The following TXNRD1 variants were observed in gnomAD, a reference collection of about 807,000 sequenced individuals.
TXNRD1 encodes the protein thioredoxin reductase 1, also known as thioredoxin reductase 1, cytoplasmic.
A neutral mutation model predicts 80.3 loss-of-function variants in TXNRD1; 57 were observed. That is an observed-to-expected ratio of 0.71 (90% CI 0.57 to 0.89). The LOEUF is 0.89. TXNRD1 is among the 40% of genes least tolerant of loss of function. The pLI, the probability that TXNRD1 is intolerant of heterozygous loss-of-function variation, is 0.00. For synonymous variants in TXNRD1, 291 were observed against 285.2 expected, an observed-to-expected ratio of 1.02 and a Z score of -0.20; for missense variants, 730 against 803.0, an observed-to-expected ratio of 0.91 and a Z score of 1.10.
At position 104,287,167 on chromosome 12, in the gene TXNRD1, C is replaced by T. The variant is rs1565878330; in HGVS notation, c.305-1764C>T. 3 of 1,566,800 alleles carry T rather than the reference C, an allele frequency of 1.9e-6. No homozygotes were observed. In the East Asian group the frequency reaches 6.8e-5, roughly 35 times the overall value. ...CCGCGAGCCCAGGGATGGGAGCACGCGGGGGACGGCCTGCCGGCGGGGACG... is the reference window on the plus strand; with the variant it reads ...CCGCGAGCCCAGGGATGGGAGCACGTGGGGGACGGCCTGCCGGCGGGGACG... On this transcript the variant is annotated intron_variant, in intron 3 of 16. Transcript: ENST00000525566.
At chr12:104,296,724 T>C (rs1359714469) in intron 4 of TXNRD1, among the ~76,000 whole-genome samples, 1 of 152,222 alleles carries the variant, frequency 6.6e-6, no homozygotes, top group Non-Finnish European at 1.5e-5. Flanking sequence ...AGGATTTAGC[T>C]CTAAGGTATC....
chr12:104,234,616 A>G (rs7969758), intron 1 of TXNRD1, among the ~76,000 whole-genome samples: 121,134 of 137,222 alleles, frequency 0.88, 53,706 homozygotes, highest in African/African-American at 0.97. Context: ...ATTTTTTAAA[A>G]AATAAACATT....
chr12:104,242,529 C>G (rs912890823), intron 1 of TXNRD1, among the ~76,000 whole-genome samples: 1 of 149,568 alleles, frequency 6.7e-6, no homozygotes, highest in South Asian at 2.1e-4. Context: ...GCATGGGCGA[C>G]AAGAGTGAAA....
chr12:104,322,272 A>G (rs550388446), intron 10 of TXNRD1, among the ~76,000 whole-genome samples: 2 of 152,178 alleles, frequency 1.3e-5, no homozygotes, highest in South Asian at 2.1e-4. Context: ...GGTAGAGAGT[A>G]AGTTTAAAGT....
chr12:104,291,628 C>T (rs1225146341), intron 4 of TXNRD1, among the ~76,000 whole-genome samples: 1 of 151,818 alleles, frequency 6.6e-6, no homozygotes, highest in Admixed American at 6.6e-5. Context: ...GGATTACAGG[C>T]GCCTGCCACC....
At chr12:104,252,677 T>C (rs1175841272) in intron 2 of TXNRD1, among the ~76,000 whole-genome samples, 3 of 113,516 alleles carry the variant, frequency 2.6e-5, no homozygotes, top group African/African-American at 1.1e-4. Flanking sequence ...TATATATATA[T>C]ATATATATAT....
At chr12:104,224,920 T>C in intron 1 of TXNRD1, 1 of 456,708 alleles carries the variant, frequency 2.2e-6, no homozygotes, top group Non-Finnish European at 4.4e-6. Flanking sequence ...GCCATTGTTA[T>C]GAGGGTGAGA....
chr12:104,306,895 G>A (rs989348870), intron 4 of TXNRD1, among the ~76,000 whole-genome samples: 1 of 152,076 alleles, frequency 6.6e-6, no homozygotes, highest in Non-Finnish European at 1.5e-5. Flanking sequence ...AAAAGATCCC[G>A]CCCCAGTACT....
intron 4 of TXNRD1, chr12:104,303,900 A>T: frequency 6.5e-7 from 1 of 1,546,832 alleles, no homozygotes. Flanking sequence ...GGTAGCGAGT[A>T]CGCGGCGAAG....
intron 3 of TXNRD1, among the ~76,000 whole-genome samples, chr12:104,275,558 T>C (rs962721109): frequency 6.6e-6 from 1 of 151,982 alleles, no homozygotes; most frequent in Non-Finnish European, 1.5e-5. Context: ...TAATTTTGTA[T>C]TTTTAGTAGA....
At position 104,289,046 on chromosome 12, in the gene TXNRD1, A is replaced by G; in HGVS notation, c.414+6A>G. The G allele has an allele frequency of 6.2e-7, 1 of 1,612,528 alleles. No individual in the cohort carries two copies. The highest frequency in any genetic ancestry group is 1.7e-4 in the Middle Eastern group (1 of 6,058). ...GCCATGGTCCAACCTTGAAGGTAGGAGAGAGTAACGTATCTTTTTAAACGG... is the reference window on the plus strand; with the variant it reads ...GCCATGGTCCAACCTTGAAGGTAGGGGAGAGTAACGTATCTTTTTAAACGG... On this transcript the variant is annotated splice_donor_region_variant and intron_variant, in intron 4 of 16. Coordinates refer to ENST00000525566, the MANE Select transcript of TXNRD1 (RefSeq NM_001093771.3).
rs1000940806 is a variant in TXNRD1 at position 104,307,021 on chromosome 12, G to T, written c.415-4269G>T. ...GAGGCTTAGGAGAGGTAATTTTTTT[G>T]GTCTTCTCTAAAGTTAATAGCTGTT... On this transcript the variant is annotated intron_variant, in intron 4 of 16. Coordinates refer to ENST00000525566, the MANE Select transcript of TXNRD1 (RefSeq NM_001093771.3). Among the ~76,000 whole-genome samples the T allele has an allele frequency of 9.2e-4, 140 of 151,932 alleles. 1 individual carries two copies. Among genetic ancestry groups the T allele is most frequent in the African/African-American group, 3.3e-3 (136 of 41,364 alleles).
At chr12:104,267,159 C>T (rs1424001684) in intron 3 of TXNRD1, among the ~76,000 whole-genome samples, 12 of 84,314 alleles carry the variant, frequency 1.4e-4, no homozygotes, top group Non-Finnish European at 2.9e-4. Flanking sequence ...GAGTGAGACT[C>T]CCTCTCAAAA....
chr12:104,302,145 T>G (rs1393168836), intron 4 of TXNRD1, among the ~76,000 whole-genome samples: 1 of 152,184 alleles, frequency 6.6e-6, no homozygotes, highest in Middle Eastern at 3.2e-3. Context: ...GCATGGTGTT[T>G]TGAAAAATGC....
At position 104,313,226 on chromosome 12, in the gene TXNRD1, T is replaced by C. The variant is rs763043304; in HGVS notation, c.538-19T>C. The C allele has an allele frequency of 4.6e-5, 71 of 1,559,580 alleles. No homozygotes were observed. In the Admixed American group the frequency reaches 7.4e-4, roughly 16 times the overall value. On this transcript the variant is annotated intron_variant, in intron 5 of 16. Transcript: ENST00000525566. ...TCATGTTAACCTTTCCAACTCACTTTAATAATTTTATTTTCCAGGAGGCAG... is the reference window on the plus strand; with the variant it reads ...TCATGTTAACCTTTCCAACTCACTTCAATAATTTTATTTTCCAGGAGGCAG...
At chr12:104,268,745 G>T (rs1245951427) in intron 3 of TXNRD1, among the ~76,000 whole-genome samples, 1 of 151,844 alleles carries the variant, frequency 6.6e-6, no homozygotes, top group African/African-American at 2.4e-5. Context: ...TCGAACTCCT[G>T]ACCTCATGTA....
intron 3 of TXNRD1, among the ~76,000 whole-genome samples, chr12:104,276,209 AG>A (rs1348141265): frequency 6.6e-6 from 1 of 152,244 alleles, no homozygotes; most frequent in Admixed American, 6.5e-5. Context: ...GGGTCCCCTA[AG>A]ACCACTTGGA....
chr12:104,252,666 A>T (rs1437865564), intron 2 of TXNRD1, among the ~76,000 whole-genome samples: 3 of 45,432 alleles, frequency 6.6e-5, no homozygotes, highest in Middle Eastern at 0.012. Flanking sequence ...TATTTTTTAT[A>T]TATATATATA....
chr12:104,337,439 A>G lies in TXNRD1; in HGVS notation c.1747-1700A>G, dbSNP rs975917754. ...GCTGAAAATCTATCAGCTCAACAGT[A>G]GAGTGCATCAGATTTCTCTGCTTTT... On this transcript the variant is annotated intron_variant, in intron 15 of 16. Transcript: ENST00000525566. Among the ~76,000 whole-genome samples the G allele has an allele frequency of 5.3e-5, 8 of 152,084 alleles. 1 individual carries two copies. The highest frequency in any genetic ancestry group is 1.4e-4 in the African/African-American group (6 of 41,460).
Sources: gnomAD v4.1 joint callset for allele counts (sites outside exome capture counted in the v4.1 genomes callset) on GRCh38, gnomAD v4.1.1 for gene constraint, MANE v1.5 for transcripts, NCBI Gene and HGNC (gene_info 2026-07-23, HGNC 2026-07-21) for gene names.